The following CFAP77 variants were observed in gnomAD, a reference collection of about 807,000 sequenced individuals.
CFAP77 encodes cilia- and flagella-associated protein 77.
CFAP77 carries 25 observed loss-of-function variants against 31.1 expected under a neutral mutation model. That is an observed-to-expected ratio of 0.80 (90% CI 0.59 to 1.12). The LOEUF (loss-of-function observed/expected upper bound fraction) is 1.12. Ranked by LOEUF, CFAP77 falls within the 50% of genes most tolerant of loss-of-function variation. CFAP77 has a pLI of 0.00. For synonymous variants in CFAP77, 151 were observed against 159.9 expected, an observed-to-expected ratio of 0.94 and a Z score of 0.42; for missense variants, 377 against 397.3, an observed-to-expected ratio of 0.95 and a Z score of 0.44.
Position 132,486,086 on chromosome 9 carries a change from ATATAT to A in CFAP77, c.196-12607_196-12603del, listed in dbSNP as rs1162281583. Among the ~76,000 whole-genome samples the A allele has an allele frequency of 2.0e-3, 35 of 17,612 alleles. 11 individuals are homozygous for A. The highest frequency in any genetic ancestry group is 0.012 in the African/African-American group (26 of 2,174). The allele number at this position is 17,612 out of a possible 152,430, so 11.6% of individuals were successfully genotyped here. A position where few individuals can be genotyped will look rare whatever the true frequency, so the allele number is the denominator to read the frequency against. ...TGTGTGTATATATATATATATATATATATATTTTTTTTTTTTTTTTTTTTGAGACG... is the reference window on the plus strand; with the variant it reads ...TGTGTGTATATATATATATATATATATTTTTTTTTTTTTTTTTTTGAGACG... On this transcript the variant is annotated intron_variant, in intron 1 of 5. Coordinates refer to ENST00000393216, the MANE Select transcript of CFAP77 (RefSeq NM_001282957.2).
chr9:132,468,447 T>A (rs1258977976), intron 1 of CFAP77, among the ~76,000 whole-genome samples: 1 of 152,156 alleles, frequency 6.6e-6, no homozygotes, highest in Non-Finnish European at 1.5e-5. Context: ...ATGCTTTCTC[T>A]GGAATAGGGA....
chr9:132,522,339 T>C (rs1852283956), intron 3 of CFAP77, among the ~76,000 whole-genome samples: 1 of 151,898 alleles, frequency 6.6e-6, no homozygotes, highest in Non-Finnish European at 1.5e-5. Context: ...GCTTTGCTAC[T>C]GGAGTGTGCT....
Position 132,517,726 on chromosome 9 carries a change from C to T in CFAP77, c.524+18126C>T, listed in dbSNP as rs538758068. On this transcript the variant is annotated intron_variant, in intron 3 of 5. Transcript: ENST00000393216. The surrounding 1 kb of genome is among the most constrained non-coding windows in gnomAD (Gnocchi z 4.7). ...CAGAGCACTCCTGGCAGAGCGGAGC[C>T]GCACCGGCAAATCAGAGCTGTCAGC... Among the ~76,000 whole-genome samples the T allele has an allele frequency of 1.9e-4, 29 of 152,340 alleles. No individual in the cohort carries two copies. Among genetic ancestry groups the T allele is most frequent in the African/African-American group, 5.8e-4 (24 of 41,578 alleles).
At chr9:132,544,488 C>CT (rs1315505087) in intron 5 of CFAP77, among the ~76,000 whole-genome samples, 22 of 135,636 alleles carry the variant, frequency 1.6e-4, no homozygotes, top group East Asian at 2.5e-4. Context: ...TCCTCACTGC[C>CT]TATTTTTTTT....
chr9:132,461,934 C>G (rs1851058447), intron 1 of CFAP77, among the ~76,000 whole-genome samples: 1 of 152,206 alleles, frequency 6.6e-6, no homozygotes, highest in Non-Finnish European at 1.5e-5. Context: ...TTCCAGTTTT[C>G]TCTGCAAATG....
intron 1 of CFAP77, among the ~76,000 whole-genome samples, chr9:132,446,765 A>T (rs986734784): frequency 6.6e-6 from 1 of 150,568 alleles, no homozygotes; most frequent in Non-Finnish European, 1.5e-5. Flanking sequence ...AAAAAAAAAA[A>T]AGATAACATG....
In CFAP77 at chr9:132,410,466, G is replaced by T. The variant is rs1322797402; in HGVS notation, c.195G>T (p.Lys65Asn). The stretch of plus-strand genomic sequence containing the variant: ...TGTTTCAGAACCCTCTCATCGTCAA[G>T]GTGAGCACCCCACGCCCACCGCGCT... ...DSMFQNPLIVKAELGKPRERS... is the reference protein window; with the variant it reads ...DSMFQNPLIVNAELGKPRERS... The change falls in exon 1 of 6, where the codon AAG (lysine) becomes AAT (asparagine). Residue 65 changes from lysine (K) to asparagine (N), a missense_variant and splice_region_variant. By Grantham distance (94) the Lys-to-Asn change is moderately conservative. Transcript: ENST00000393216. The T allele has an allele frequency of 6.3e-7, 1 of 1,576,682 alleles. No individual in the cohort carries two copies. Among genetic ancestry groups the T allele is most frequent in the Admixed American group, 1.8e-5 (1 of 55,848 alleles).
At chr9:132,438,300 T>C (rs751230920) in intron 1 of CFAP77, among the ~76,000 whole-genome samples, 51 of 151,432 alleles carry the variant, frequency 3.4e-4, no homozygotes, top group Non-Finnish European at 6.2e-4. Context: ...GTTTGTATAA[T>C]TTAATTTTTA....
intron 1 of CFAP77, among the ~76,000 whole-genome samples, chr9:132,427,995 T>C (rs1020112994): frequency 6.7e-6 from 1 of 149,468 alleles, no homozygotes; most frequent in Non-Finnish European, 1.5e-5. Flanking sequence ...AGCATTAGAT[T>C]CTTTCTTTTT....
chr9:132,552,724 G>A lies in CFAP77; in HGVS notation c.732+9677G>A, dbSNP rs57144226. ...AAAAAAAAAAAAAAGCAGAGTCCAG[G>A]GCCTCTCCAGGACTCTGATCCAGTG... On this transcript the variant is annotated intron_variant, in intron 5 of 5. Transcript: ENST00000393216. This position sits in a 1 kb window ranked among gnomAD's most constrained non-coding sequence, Gnocchi z 5.5. Among the ~76,000 whole-genome samples, 1,558 of 151,280 alleles carry A rather than the reference G, an allele frequency of 0.01. 19 individuals are homozygous for A. Among genetic ancestry groups the A allele is most frequent in the African/African-American group, 0.035 (1,426 of 41,172 alleles).
chr9:132,428,812 A>C (rs1589844536), intron 1 of CFAP77, among the ~76,000 whole-genome samples: 1 of 149,548 alleles, frequency 6.7e-6, no homozygotes, highest in Non-Finnish European at 1.5e-5. Context: ...CACTTTGAAG[A>C]CCCCCCCCTG....
intron 1 of CFAP77, among the ~76,000 whole-genome samples, chr9:132,414,746 C>T (rs566143250): frequency 9.8e-5 from 15 of 152,302 alleles, no homozygotes; most frequent in African/African-American, 3.6e-4. Context: ...CTCCTAAATG[C>T]TTGTAGGTTT....
chr9:132,513,070 G>A (rs1452803030), intron 3 of CFAP77, among the ~76,000 whole-genome samples: 1 of 151,986 alleles, frequency 6.6e-6, no homozygotes, highest in Non-Finnish European at 1.5e-5. Context: ...ATGTTTATGG[G>A]GTACATGGGA....
At chr9:132,540,638 C>T (rs187328541) in intron 4 of CFAP77, among the ~76,000 whole-genome samples, 88 of 152,238 alleles carry the variant, frequency 5.8e-4, no homozygotes, top group Non-Finnish European at 8.4e-4. Flanking sequence ...AATGGTTAAA[C>T]GCATATATTT....
chr9:132,468,409 G>A (rs1449731944), intron 1 of CFAP77, among the ~76,000 whole-genome samples: 2 of 152,060 alleles, frequency 1.3e-5, no homozygotes, highest in Admixed American at 1.3e-4. Flanking sequence ...TTCCACTCCA[G>A]CACTTTCCAC....
intron 5 of CFAP77, among the ~76,000 whole-genome samples, chr9:132,558,006 A>G (rs1472822882): frequency 6.6e-6 from 1 of 152,130 alleles, no homozygotes; most frequent in Non-Finnish European, 1.5e-5. Flanking sequence ...AGACCTTACT[A>G]ATCAATCGTT....
chr9:132,508,694 G>A (rs1174150765), intron 3 of CFAP77, among the ~76,000 whole-genome samples: 1 of 152,098 alleles, frequency 6.6e-6, no homozygotes. Context: ...GTTGGAAGGG[G>A]GCAGTCCTCA....
At chr9:132,451,595 C>T (rs909551847) in intron 1 of CFAP77, among the ~76,000 whole-genome samples, 1 of 152,012 alleles carries the variant, frequency 6.6e-6, no homozygotes, top group Admixed American at 6.6e-5. Context: ...CCACCTTACT[C>T]CATAGTTCTC....
chr9:132,518,773 C>A (rs914156591), intron 3 of CFAP77, among the ~76,000 whole-genome samples: 1 of 152,204 alleles, frequency 6.6e-6, no homozygotes, highest in African/African-American at 2.4e-5. Flanking sequence ...AGGAGATGTC[C>A]CTCATCCAAC....
Sources: allele counts gnomAD v4.1 joint callset (sites outside exome capture counted in the v4.1 genomes callset), GRCh38; gene constraint gnomAD v4.1.1; non-coding constraint Gnocchi (gnomAD v3.1); transcripts MANE v1.5; gene names NCBI Gene and HGNC (gene_info 2026-07-23, HGNC 2026-07-21).